Variants in BOLL observed in about 807,000 individuals in gnomAD.
The protein encoded by BOLL is protein boule-like.
In BOLL, 23 loss-of-function variants were observed where a neutral mutation model predicts 44.4. The ratio of observed to expected loss-of-function variants is 0.52; its 90% CI spans 0.37 to 0.73. The LOEUF is 0.73. Among genes scored for constraint, BOLL ranks in the 30% least tolerant of loss-of-function variants. The probability of loss-of-function intolerance (pLI) is 0.00; values close to 1 mark genes in which losing one functional copy is unlikely to be tolerated. For missense variants in BOLL, 287 were observed against 338.3 expected (o/e 0.85, Z 1.19); for synonymous variants, 97 against 110.8 (o/e 0.88, Z 0.78).
At chr2:197,740,316 C>A (rs1415274708) in intron 10 of BOLL, among the ~76,000 whole-genome samples, 2 of 152,130 alleles carry the variant, frequency 1.3e-5, no homozygotes, top group Non-Finnish European at 2.9e-5. Flanking sequence ...TGCCTACCTT[C>A]CTCACCAAAG....
At position 197,781,705 on chromosome 2, in the gene BOLL, C is replaced by A. The variant is rs1359571396; in HGVS notation, c.129+17G>T. 4.0e-6 allele frequency: 6 copies of A among 1,501,884 alleles called. No homozygotes were observed. The highest frequency in any genetic ancestry group is 5.4e-6 in the Non-Finnish European group (6 of 1,110,066). The allele number at this position is 1,501,884 out of a possible 1,614,324, so 93.0% of individuals were successfully genotyped here. ...TCTAATGAAAAAATACACTTTACTG[C>A]ATGCATAAATAGGTACCTTAAAATC... is the stretch of plus-strand genomic sequence containing the variant. On this transcript the variant is annotated intron_variant, in intron 2 of 10. Coordinates refer to ENST00000392296, the MANE Select transcript of BOLL (RefSeq NM_033030.6).
chr2:197,756,625 C>T (rs1279973788), intron 8 of BOLL, 69 bp from the exon 9 acceptor site: 5 of 1,402,448 alleles, frequency 3.6e-6, no homozygotes, highest in Admixed American at 4.9e-5. Context: ...ATGACTTAGC[C>T]AACAGATGAG....
intron 7 of BOLL, 87 bp downstream of exon 7, chr2:197,766,445 G>T: frequency 9.2e-7 from 1 of 1,090,806 alleles, no homozygotes; most frequent in Non-Finnish European, 1.4e-6. Context: ...AATTAGCAAA[G>T]TAGTTGCATG....
chr2:197,728,315 G>C lies in BOLL; in HGVS notation c.*240C>G, dbSNP rs1439861447. ...TTGTAGAAAAGGTCATTACAGTTAG[G>C]TTAGCACATAAAAAACCAACATGCC... is the stretch of plus-strand genomic sequence containing the variant. On this transcript the variant is annotated 3_prime_UTR_variant, in exon 11 of 11. Coordinates refer to ENST00000392296, the MANE Select transcript of BOLL (RefSeq NM_033030.6). The C allele has an allele frequency of 3.4e-6, 2 of 593,462 alleles. No individual in the cohort carries two copies. Among genetic ancestry groups the C allele is most frequent in the Admixed American group, 3.3e-5 (1 of 30,250 alleles). 36.8% of individuals were successfully genotyped at this position (593,462 alleles called of 1,614,324 possible). A position where few individuals can be genotyped will look rare whatever the true frequency, so the allele number is the denominator to read the frequency against.
Position 197,773,997 on chromosome 2 carries a change from C to T in BOLL, c.352+1668G>A, listed in dbSNP as rs111465979. 1,213 of 453,518 alleles carry T rather than the reference C, an allele frequency of 2.7e-3. 21 individuals carry two copies. The highest frequency in any genetic ancestry group is 0.021 in the African/African-American group (1,010 of 48,700). The allele number at this position is 453,518 out of a possible 1,614,324, so 28.1% of individuals were successfully genotyped here. A position where few individuals can be genotyped will look rare whatever the true frequency, so the allele number is the denominator to read the frequency against. On this transcript the variant is annotated intron_variant, in intron 5 of 10. Coordinates refer to ENST00000392296, the MANE Select transcript of BOLL (RefSeq NM_033030.6). The stretch of plus-strand genomic sequence containing the variant: ...CCCTTATTTGTAAATGTACTTTTAA[C>T]ACCTATTTTTCTTCGCAGAAAAGTC...
In BOLL at chr2:197,743,049, C is replaced by T; in HGVS notation, c.828+12G>A. On this transcript the variant is annotated intron_variant, in intron 10 of 10. Transcript: ENST00000392296. ...AGAAAAACAAAGTAAAAAGTCAAAA[C>T]AAATTTCTTACTTTAATTGGCTCAG... is the stretch of plus-strand genomic sequence containing the variant. 6.5e-7 allele frequency: 1 copy of T among 1,543,214 alleles called. No individual in the cohort carries two copies. The highest frequency in any genetic ancestry group is 8.7e-7 in the Non-Finnish European group (1 of 1,143,866).
intron 9 of BOLL, among the ~76,000 whole-genome samples, chr2:197,754,715 AAAAAC>A (rs1390143828): frequency 6.7e-6 from 1 of 148,738 alleles, no homozygotes; most frequent in African/African-American, 2.5e-5. Context: ...CTCCGTCTCA[AAAAAC>A]AAAACAAAAA....
Position 197,740,844 on chromosome 2 carries a change from T to G in BOLL, c.828+2217A>C, listed in dbSNP as rs1354929528. Among the ~76,000 whole-genome samples, 6 of 152,158 alleles carry G rather than the reference T, an allele frequency of 3.9e-5. No homozygotes were observed. In the East Asian group the frequency reaches 1.2e-3, roughly 29 times the overall value. On this transcript the variant is annotated intron_variant, in intron 10 of 10. Transcript: ENST00000392296. ...TGGTTGCATAGCATTGTGAATGTAATTAATGCCACTGAATTGTACACTTAA... is the reference window on the plus strand; with the variant it reads ...TGGTTGCATAGCATTGTGAATGTAAGTAATGCCACTGAATTGTACACTTAA...
intron 9 of BOLL, among the ~76,000 whole-genome samples, chr2:197,749,072 C>T (rs916733802): frequency 5.3e-5 from 8 of 152,228 alleles, no homozygotes; most frequent in South Asian, 2.1e-4. Flanking sequence ...CCGCAGCTTC[C>T]GCTGGTGATA....
intron 7 of BOLL, among the ~76,000 whole-genome samples, chr2:197,762,260 C>T (rs1363524987): frequency 6.6e-6 from 1 of 152,160 alleles, no homozygotes; most frequent in Non-Finnish European, 1.5e-5. Context: ...AGGAGAATTG[C>T]TTGAACCTGG....
At chr2:197,738,509 A>T (rs1469541522) in intron 10 of BOLL, among the ~76,000 whole-genome samples, 2 of 152,200 alleles carry the variant, frequency 1.3e-5, no homozygotes, top group African/African-American at 4.8e-5. Context: ...GATTTGACAG[A>T]GTATGTAGGC....
intron 9 of BOLL, among the ~76,000 whole-genome samples, chr2:197,751,808 A>G (rs2106341331): frequency 6.6e-6 from 1 of 151,884 alleles, no homozygotes; most frequent in African/African-American, 2.4e-5. Flanking sequence ...GGCCAGCATC[A>G]TCCTGATACC....
At chr2:197,760,566 T>TA (rs1189210785) in intron 7 of BOLL, among the ~76,000 whole-genome samples, 1 of 152,174 alleles carries the variant, frequency 6.6e-6, no homozygotes, top group Non-Finnish European at 1.5e-5. Flanking sequence ...GAGCCAGACT[T>TA]ACCATGTTCA....
At chr2:197,733,545 T>C (rs1368740414) in intron 10 of BOLL, among the ~76,000 whole-genome samples, 1 of 152,062 alleles carries the variant, frequency 6.6e-6, no homozygotes, top group Non-Finnish European at 1.5e-5. Flanking sequence ...GGCATCACGC[T>C]ACCTGACTTC....
At chr2:197,742,992 A>T (rs1687825630) in intron 10 of BOLL, 69 bp downstream of exon 10, 1 of 1,250,170 alleles carries the variant, frequency 8.0e-7, no homozygotes, top group African/African-American at 1.5e-5. Context: ...CCTTTCTAGA[A>T]GAGAAAGTTG....
chr2:197,785,994 C>T (rs1209605361), upstream of BOLL: 1 of 1,611,684 alleles, frequency 6.2e-7, no homozygotes, highest in Non-Finnish European at 8.5e-7. This position sits in a 1 kb window ranked among gnomAD's most constrained non-coding sequence, Gnocchi z 6.7. Context: ...GGCCCGGACT[C>T]GGTTTCCATC....
chr2:197,734,555 A>T (rs1364983899), intron 10 of BOLL, among the ~76,000 whole-genome samples: 4 of 152,212 alleles, frequency 2.6e-5, no homozygotes, highest in Non-Finnish European at 5.9e-5. Flanking sequence ...ACTTGGAACC[A>T]ACCCAAATGT....
intron 10 of BOLL, among the ~76,000 whole-genome samples, chr2:197,740,075 C>G (rs1470775508): frequency 6.6e-6 from 1 of 152,010 alleles, no homozygotes; most frequent in Non-Finnish European, 1.5e-5. Context: ...TAGGTTTTGA[C>G]AATATGTCAA....
chr2:197,780,643 A>T (rs1689725933), intron 2 of BOLL, among the ~76,000 whole-genome samples: 1 of 151,974 alleles, frequency 6.6e-6, no homozygotes, highest in Non-Finnish European at 1.5e-5. Context: ...CTTGTTTAAG[A>T]CTCATTGTTT....
Sources: gnomAD v4.1 joint callset for allele counts (sites outside exome capture counted in the v4.1 genomes callset) on GRCh38, gnomAD v4.1.1 for gene constraint, Gnocchi (gnomAD v3.1) non-coding constraint, MANE v1.5 for transcripts, NCBI Gene and HGNC (gene_info 2026-07-23, HGNC 2026-07-21) for gene names.